BRWD3: variants seen among roughly 807,000 people sequenced by gnomAD.
The protein encoded by BRWD3 is bromodomain and WD repeat domain containing 3.
BRWD3 carries 10 observed loss-of-function variants against 149.7 expected under a neutral mutation model. That is an observed-to-expected ratio of 0.07 (90% CI 0.04 to 0.11). BRWD3 has a LOEUF of 0.11. Among genes scored for constraint, BRWD3 ranks in the 10% least tolerant of loss-of-function variants. BRWD3 has a pLI of 1.00. For synonymous variants in BRWD3, 504 were observed against 456.7 expected (o/e 1.10, Z -1.32); for missense variants, 940 against 1,373.2 (o/e 0.68, Z 4.99).
At chrX:80,716,326 T>A in intron 19 of BRWD3, 76 bp from the exon 20 acceptor site, 1 of 836,999 alleles carries the variant, frequency 1.2e-6, no homozygotes, top group Non-Finnish European at 1.8e-6. Flanking sequence ...ATAATAAAAA[T>A]ACTTTTAAAC....
At chrX:80,700,747 A>T (rs2072774817) in intron 24 of BRWD3, among the ~76,000 whole-genome samples, 1 of 108,550 alleles carries the variant, frequency 9.2e-6, no homozygotes. Context: ...CAAAAAATAA[A>T]TAAATAAATA....
At chrX:80,678,478 A>G (rs979285495) in intron 40 of BRWD3, among the ~76,000 whole-genome samples, 2 of 111,741 alleles carry the variant, frequency 1.8e-5, no homozygotes, top group Non-Finnish European at 3.8e-5. Context: ...TTTTTAAAAA[A>G]AAGAAATAAA....
chrX:80,712,808 C>G (rs1162072628), intron 20 of BRWD3, among the ~76,000 whole-genome samples: 2 of 108,728 alleles, frequency 1.8e-5, no homozygotes, highest in Non-Finnish European at 3.8e-5. Context: ...GCGACCCCGT[C>G]TGGGAGGTGA....
At chrX:80,771,715 C>T (rs891092533) in intron 6 of BRWD3, among the ~76,000 whole-genome samples, 1 of 111,392 alleles carries the variant, frequency 9.0e-6, no homozygotes, top group Non-Finnish European at 1.9e-5. Flanking sequence ...TGCAACCTAC[C>T]CATCTGACAA....
Position 80,682,445 on chromosome X carries a change from T to G in BRWD3, c.4397+20A>C, listed in dbSNP as rs1339993764. ...CAAAATGCTTTGAGAACAAAAAATG[T>G]TGCATCAATGTAATGATACCTAGGT... On this transcript the variant is annotated intron_variant, in intron 38 of 40. Transcript: ENST00000373275. 6.6e-6 allele frequency: 8 copies of G among 1,204,168 alleles called. No homozygotes were observed. The highest frequency in any genetic ancestry group is 9.0e-6 in the Non-Finnish European group (8 of 889,040).
intron 6 of BRWD3, among the ~76,000 whole-genome samples, chrX:80,779,549 C>CA (rs1362721593): frequency 2.7e-4 from 30 of 109,973 alleles, no homozygotes; most frequent in African/African-American, 9.2e-4. Context: ...CCTGTCTCTA[C>CA]AAAAAAAATA....
chrX:80,712,543 G>A lies in BRWD3; in HGVS notation c.2326-2966C>T, dbSNP rs867347938. Among the ~76,000 whole-genome samples the A allele has an allele frequency of 8.1e-4, 89 of 110,007 alleles. 2 individuals carry two copies. Among genetic ancestry groups the A allele is most frequent in the Admixed American group, 2.9e-4 (3 of 10,505 alleles). ...GCCTGCCTTGGCCTCCCAAAGTGCC[G>A]AGATTGCAGCCTCTGCCCGGCCGCC... On this transcript the variant is annotated intron_variant, in intron 20 of 40. Coordinates refer to ENST00000373275, the MANE Select transcript of BRWD3 (RefSeq NM_153252.5).
chrX:80,789,819 TC>T (rs1326391168), intron 6 of BRWD3, among the ~76,000 whole-genome samples: 2 of 105,700 alleles, frequency 1.9e-5, no homozygotes, highest in Admixed American at 2.1e-4. Flanking sequence ...ACCATGGAAC[TC>T]CTTTTTTTTT....
intron 6 of BRWD3, among the ~76,000 whole-genome samples, chrX:80,755,484 C>A (rs2073726319): frequency 9.0e-6 from 1 of 111,268 alleles, no homozygotes; most frequent in Non-Finnish European, 1.9e-5. Flanking sequence ...AATTCAAAAA[C>A]CTAATGTTAG....
At chrX:80,694,907 T>C (rs1413026996) in intron 27 of BRWD3, among the ~76,000 whole-genome samples, 9 of 110,730 alleles carry the variant, frequency 8.1e-5, no homozygotes, top group African/African-American at 2.3e-4. Context: ...TGGGGGACTG[T>C]TGATTGGTTT....
At chrX:80,759,270 T>C (rs2073777831) in intron 6 of BRWD3, among the ~76,000 whole-genome samples, 1 of 112,119 alleles carries the variant, frequency 8.9e-6, no homozygotes, top group African/African-American at 3.2e-5. Flanking sequence ...TCTAAAATTT[T>C]GTCTGGGGTT....
intron 14 of BRWD3, among the ~76,000 whole-genome samples, chrX:80,726,045 TTA>T (rs777241998): frequency 3.5e-5 from 3 of 86,497 alleles, no homozygotes; most frequent in Non-Finnish European, 4.6e-5. Context: ...TGTTTACATG[TTA>T]TGTCTATATA....
At chrX:80,743,827 C>T in intron 8 of BRWD3, 1 of 387,442 alleles carries the variant, frequency 2.6e-6, no homozygotes, top group East Asian at 4.1e-5. Context: ...CTTTTTAAAT[C>T]ATCTTTTTAG....
intron 25 of BRWD3, 78 bp downstream of exon 25, chrX:80,699,879 G>A: frequency 1.4e-6 from 1 of 700,358 alleles, no homozygotes; most frequent in Non-Finnish European, 2.2e-6. Context: ...GCATAAAACT[G>A]AGGGGAAAAA....
intron 40 of BRWD3, among the ~76,000 whole-genome samples, chrX:80,680,895 T>A (rs2072436001): frequency 1.8e-5 from 2 of 108,952 alleles, no homozygotes; most frequent in African/African-American, 6.7e-5. Flanking sequence ...TGTAGTCTCC[T>A]ACTCCTGGCT....
chrX:80,726,409 A>G (rs1255431772), intron 14 of BRWD3, among the ~76,000 whole-genome samples: 1 of 110,644 alleles, frequency 9.0e-6, no homozygotes, highest in Admixed American at 9.6e-5. Flanking sequence ...CATATGTTAT[A>G]TGTTTATATG....
chrX:80,707,778 C>T (rs2072889098), intron 21 of BRWD3, among the ~76,000 whole-genome samples: 2 of 111,673 alleles, frequency 1.8e-5, no homozygotes, highest in African/African-American at 6.5e-5. Context: ...AAATATAACC[C>T]TCTTAAATAC....
In BRWD3 at chrX:80,741,736, C is replaced by T. The variant is rs780366978; in HGVS notation, c.813+2296G>A. Among the ~76,000 whole-genome samples the T allele has an allele frequency of 4.5e-5, 5 of 111,871 alleles. 1 individual carries two copies. In the South Asian group the frequency reaches 1.5e-3, roughly 34 times the overall value. The stretch of plus-strand genomic sequence containing the variant: ...TTGAGAAGTGTCTCTTCATATCCTT[C>T]GCCTACTTTTTGACGGGGTTGTTTG... On this transcript the variant is annotated intron_variant, in intron 8 of 40. Transcript: ENST00000373275.
At chrX:80,739,164 T>A (rs770102705) in intron 8 of BRWD3, among the ~76,000 whole-genome samples, 25 of 111,340 alleles carry the variant, frequency 2.2e-4, no homozygotes, top group Non-Finnish European at 3.6e-4. Context: ...TCATGAGAAT[T>A]TGCCAGATTC....
Sources: gnomAD v4.1 joint callset for allele counts (sites outside exome capture counted in the v4.1 genomes callset) on GRCh38, gnomAD v4.1.1 for gene constraint, MANE v1.5 for transcripts, NCBI Gene and HGNC (gene_info 2026-07-23, HGNC 2026-07-21) for gene names.